Variants in PTK2B observed in about 807,000 individuals in gnomAD.
PTK2B encodes protein-tyrosine kinase 2-beta.
Under a neutral mutation model 142.9 loss-of-function variants are expected in PTK2B, and 71 were observed. That is an observed-to-expected ratio of 0.50 (90% confidence interval 0.41 to 0.61). PTK2B has a LOEUF of 0.61. PTK2B is among the 20% of genes least tolerant of loss of function. PTK2B has a pLI of 0.00. For missense variants in PTK2B, 1,105 were observed against 1,320.4 expected (o/e 0.84, Z 2.53); for synonymous variants, 519 against 503.4 (o/e 1.03, Z -0.42).
At chr8:27,327,052 T>G (rs1803461880) in intron 1 of PTK2B, among the ~76,000 whole-genome samples, 1 of 151,802 alleles carries the variant, frequency 6.6e-6, no homozygotes, top group Non-Finnish European at 1.5e-5. Context: ...GACTCCAAAT[T>G]GAGAGCTGAA....
At chr8:27,310,932 G>A (rs756068122), upstream of PTK2B, 1 of 1,612,606 alleles carries the variant, frequency 6.2e-7, no homozygotes. Context: ...CGGTGCAGGC[G>A]GCAGACACGC....
At chr8:27,311,719 A>T (rs1324815049) in intron 1 of PTK2B, 1 of 161,334 alleles carries the variant, frequency 6.2e-6, no homozygotes, top group African/African-American at 2.4e-5. Context: ...CGTGAGTGCA[A>T]TCACCACTTA....
chr8:27,336,455 C>T (rs902862425), intron 1 of PTK2B, among the ~76,000 whole-genome samples: 4 of 152,118 alleles, frequency 2.6e-5, no homozygotes, highest in Admixed American at 2.6e-4. Context: ...AGCCTGGTAC[C>T]TGACACACAG....
chr8:27,311,265 A>T (rs1425301599), upstream of PTK2B: 1 of 1,472,264 alleles, frequency 6.8e-7, no homozygotes, highest in Admixed American at 2.5e-5. Flanking sequence ...GGCGCCCGGA[A>T]CTTTTGCTCC....
At chr8:27,371,563 T>TATA (rs1806362761) in intron 1 of PTK2B, among the ~76,000 whole-genome samples, 3 of 127,918 alleles carry the variant, frequency 2.3e-5, no homozygotes, top group East Asian at 2.2e-4. Flanking sequence ...ATATATATAT[T>TATA]TTGAGACAGA....
intron 1 of PTK2B, among the ~76,000 whole-genome samples, chr8:27,330,173 G>T (rs1803658068): frequency 6.6e-6 from 1 of 152,116 alleles, no homozygotes; most frequent in African/African-American, 2.4e-5. Context: ...AGCATCTTAT[G>T]CACCCACTGA....
In PTK2B at chr8:27,422,131, G is replaced by A. The variant is rs112583834; in HGVS notation, c.472-173G>A. ...AACCTCACAGGCTCGGCCTGTGGAG[G>A]CACAAGCACCCTTTCCCCTCGTGCT... On this transcript the variant is annotated intron_variant, in intron 4 of 30. Transcript: ENST00000346049. 2.2e-4 allele frequency: 116 copies of A among 516,646 alleles called. 1 individual carries two copies. In the East Asian group the frequency reaches 3.3e-3, roughly 15 times the overall value. The allele number at this position is 516,646 out of a possible 1,614,324, so 32.0% of individuals were successfully genotyped here.
intron 1 of PTK2B, among the ~76,000 whole-genome samples, chr8:27,344,322 G>A (rs1804588938): frequency 6.6e-6 from 1 of 152,204 alleles, no homozygotes; most frequent in African/African-American, 2.4e-5. Flanking sequence ...AGCAAGGCAG[G>A]TCCCAAGGGT....
At position 27,363,975 on chromosome 8, in the gene PTK2B, A is replaced by G. The variant is rs1299436535; in HGVS notation, c.-37-33573A>G. Among the ~76,000 whole-genome samples, 1 of 152,070 alleles carries G rather than the reference A, an allele frequency of 6.6e-6. No individual in the cohort carries two copies. Among genetic ancestry groups the G allele is most frequent in the African/African-American group, 2.4e-5 (1 of 41,398 alleles). ...ACACATGCGCACAAGCAGCTCCCCC[A>G]AGTTAAGAGCCTGTGTATCAGCTGA... On this transcript the variant is annotated intron_variant, in intron 1 of 30. Transcript: ENST00000346049. The surrounding 1 kb of genome is among the most constrained non-coding windows in gnomAD (Gnocchi z 4.3).
At chr8:27,417,439 G>A (rs1434546254) in intron 2 of PTK2B, among the ~76,000 whole-genome samples, 3 of 151,402 alleles carry the variant, frequency 2.0e-5, no homozygotes, top group African/African-American at 7.2e-5. Context: ...GGAGGTAGTG[G>A]GGCCATGAGG....
chr8:27,379,907 AT>A (rs1234001796), intron 1 of PTK2B, among the ~76,000 whole-genome samples: 25 of 151,988 alleles, frequency 1.6e-4, no homozygotes, highest in African/African-American at 5.8e-4. Context: ...TGCCCAGCTA[AT>A]TTTTTTGTAT....
At chr8:27,424,224 T>C (rs1356136708) in intron 5 of PTK2B, among the ~76,000 whole-genome samples, 2 of 152,158 alleles carry the variant, frequency 1.3e-5, no homozygotes, top group African/African-American at 4.8e-5. Context: ...CATCACTTAG[T>C]TGTAAAACAG....
At chr8:27,370,914 A>AT (rs989648527) in intron 1 of PTK2B, among the ~76,000 whole-genome samples, 140 of 150,906 alleles carry the variant, frequency 9.3e-4, no homozygotes, top group African/African-American at 2.5e-3. Context: ...GTTTATTTTT[A>AT]TTTTTTTTTG....
rs976608788 is a variant in PTK2B at position 27,458,410 on chromosome 8, G to A, written c.2931G>A (p.Leu977=). ...SLSEECKRQM[L]TASHTLAVDA... Reference sequence around the variant, plus strand: ...GTGAGGAGTGCAAGAGGCAGATGCTGACGGCTTCACACACCCTGGCTGTGG... The same window carrying A: ...GTGAGGAGTGCAAGAGGCAGATGCTAACGGCTTCACACACCCTGGCTGTGG... Residue 977 remains leucine, a synonymous_variant, in exon 31 of 31, where the codon CTG becomes CTA. Transcript: ENST00000346049. 1 of 1,612,788 alleles carries A rather than the reference G, an allele frequency of 6.2e-7. No individual in the cohort carries two copies. The highest frequency in any genetic ancestry group is 2.2e-5 in the East Asian group (1 of 44,882).
At chr8:27,427,574 A>G (rs1170389293) in intron 5 of PTK2B, among the ~76,000 whole-genome samples, 1 of 152,220 alleles carries the variant, frequency 6.6e-6, no homozygotes, top group Non-Finnish European at 1.5e-5. Context: ...CAGCAAGCCA[A>G]TGTGTTCAGT....
intron 30 of PTK2B, among the ~76,000 whole-genome samples, chr8:27,455,136 C>T (rs1225939829): frequency 6.6e-6 from 1 of 152,064 alleles, no homozygotes; most frequent in Non-Finnish European, 1.5e-5. Context: ...TGCCACCTTC[C>T]ATGGCAAAAG....
At position 27,458,366 on chromosome 8, in the gene PTK2B, A is replaced by G. The variant is rs1359761275; in HGVS notation, c.2887A>G (p.Asn963Asp). 1 of 1,613,844 alleles carries G rather than the reference A, an allele frequency of 6.2e-7. No homozygotes were observed. The highest frequency in any genetic ancestry group is 1.1e-5 in the South Asian group (1 of 90,986). Reference sequence around the variant, plus strand: ...CAACAAGATGCGGCTGGCACAGCAGAACGCCGTGACCTCCCTAAGTGAGGA... The same window carrying G: ...CAACAAGATGCGGCTGGCACAGCAGGACGCCGTGACCTCCCTAAGTGAGGA... ...LINKMRLAQQ[N>D]AVTSLSEECK... Residue 963 changes from asparagine to aspartate, a missense_variant, in exon 31 of 31, where the codon AAC becomes GAC. Physicochemically the swap from Asn to Asp is conservative, Grantham distance 23. Transcript: ENST00000346049.
At chr8:27,453,901 C>T (rs985142243) in intron 28 of PTK2B, 10 of 470,962 alleles carry the variant, frequency 2.1e-5, no homozygotes, top group South Asian at 7.6e-5. Context: ...TGCCTGCACC[C>T]TATGTCCAGG....
At chr8:27,431,931 T>C (rs1810453206) in intron 9 of PTK2B, among the ~76,000 whole-genome samples, 1 of 152,208 alleles carries the variant, frequency 6.6e-6, no homozygotes, top group South Asian at 2.1e-4. Context: ...CCAGGATGGC[T>C]TTGAATGCAG....
Sources: gnomAD v4.1 joint callset for allele counts (sites outside exome capture counted in the v4.1 genomes callset) on GRCh38, gnomAD v4.1.1 for gene constraint, Gnocchi (gnomAD v3.1) non-coding constraint, MANE v1.5 for transcripts, NCBI Gene and HGNC (gene_info 2026-07-23, HGNC 2026-07-21) for gene names.